NRG3: variants seen among roughly 807,000 people sequenced by gnomAD.
NRG3 encodes pro-neuregulin-3, membrane-bound isoform.
NRG3 carries 31 observed loss-of-function variants against 66.9 expected under a neutral mutation model. That is an observed-to-expected ratio of 0.46 (90% CI 0.35 to 0.63). The LOEUF (loss-of-function observed/expected upper bound fraction) is 0.63, where lower values mean the gene tolerates loss of function less well. Ranked by LOEUF, NRG3 falls within the 20% of genes least tolerant of loss-of-function variation. NRG3 has a pLI of 0.00. For synonymous variants in NRG3, 393 were observed against 359.4 expected (o/e 1.09, Z -1.06); for missense variants, 910 against 878.9 (o/e 1.04, Z -0.45).
intron 4 of NRG3, 34 bp from the exon 5 acceptor site, chr10:82,951,435 G>A (rs1436672157): frequency 2.6e-6 from 4 of 1,519,296 alleles, no homozygotes; most frequent in Non-Finnish European, 3.7e-6. Context: ...CACCCCGCTA[G>A]CATCCATTCT....
At chr10:82,979,149 G>A (rs758071428) in intron 8 of NRG3, 29 bp downstream of exon 8, 81 of 1,609,416 alleles carry the variant, frequency 5.0e-5, no homozygotes, top group African/African-American at 9.4e-5. Context: ...GTGGAATTTA[G>A]GGAGGGTGTC....
intron 2 of NRG3, among the ~76,000 whole-genome samples, chr10:82,496,347 C>T (rs184893117): frequency 6.6e-6 from 1 of 152,298 alleles, no homozygotes; most frequent in Admixed American, 6.5e-5. Flanking sequence ...CCACTGTAAT[C>T]TGCACAGCTA....
At chr10:82,873,903 G>A (rs1175208006) in intron 4 of NRG3, among the ~76,000 whole-genome samples, 2 of 151,248 alleles carry the variant, frequency 1.3e-5, no homozygotes, top group East Asian at 3.9e-4. Flanking sequence ...AGCAAATTCT[G>A]GTGTAATTTT....
intron 1 of NRG3, among the ~76,000 whole-genome samples, chr10:82,351,865 C>G (rs1320085707): frequency 6.6e-6 from 1 of 152,220 alleles, no homozygotes. Context: ...GTGTCTGCTA[C>G]TTCTCTGTCA....
intron 3 of NRG3, among the ~76,000 whole-genome samples, chr10:82,749,789 G>GAT (rs2058788821): frequency 8.4e-6 from 1 of 119,208 alleles, no homozygotes; most frequent in Admixed American, 9.0e-5. Context: ...AGGAAGCACT[G>GAT]AAAAAAAAAA....
At chr10:82,739,218 C>T (rs774445655) in intron 3 of NRG3, among the ~76,000 whole-genome samples, 2 of 152,138 alleles carry the variant, frequency 1.3e-5, no homozygotes, top group Non-Finnish European at 2.9e-5. Context: ...AGACAATTTG[C>T]AGACTAAAAA....
rs1270642989 is a variant in NRG3, at chr10:82,032,126, T to TG, written c.823+155963_823+155964insG. Among the ~76,000 whole-genome samples, 390 of 149,146 alleles carry TG rather than the reference T, an allele frequency of 2.6e-3. 2 individuals are homozygous for TG. Among genetic ancestry groups the TG allele is most frequent in the South Asian group, 0.015 (68 of 4,678 alleles). On this transcript the variant is annotated intron_variant, in intron 1 of 8. Transcript: ENST00000372141. ...TCTTGTTTGATTCTTTTTTTTTTTT[T>TG]TATTTCCAATCACTGTTTTGATAAA...
intron 2 of NRG3, among the ~76,000 whole-genome samples, chr10:82,559,419 A>T (rs370116207): frequency 1.3e-5 from 2 of 152,254 alleles, no homozygotes; most frequent in African/African-American, 4.8e-5. Context: ...GCCGAGGGGG[A>T]TTCATTGAAC....
At chr10:82,624,767 A>G (rs1438032838) in intron 2 of NRG3, among the ~76,000 whole-genome samples, 2 of 148,084 alleles carry the variant, frequency 1.4e-5, no homozygotes, top group Non-Finnish European at 3.0e-5. Flanking sequence ...CAATGAACCC[A>G]ATGTACCAGG....
chr10:82,459,813 G>A (rs1297840872), intron 2 of NRG3, among the ~76,000 whole-genome samples: 1 of 152,150 alleles, frequency 6.6e-6, no homozygotes, highest in Non-Finnish European at 1.5e-5. Context: ...ATCAGCAGAA[G>A]TTACCCCAAA....
chr10:82,399,973 C>T (rs1276028641), intron 2 of NRG3, among the ~76,000 whole-genome samples: 1 of 152,268 alleles, frequency 6.6e-6, no homozygotes, highest in African/African-American at 2.4e-5. Flanking sequence ...TCAACAAATA[C>T]CTGCTCTCTG....
At chr10:82,537,490 G>C (rs1335818037) in intron 2 of NRG3, among the ~76,000 whole-genome samples, 1 of 152,066 alleles carries the variant, frequency 6.6e-6, no homozygotes, top group Admixed American at 6.6e-5. Context: ...AACTGGCCTT[G>C]CCTTGCACCT....
intron 1 of NRG3, among the ~76,000 whole-genome samples, chr10:82,238,561 C>T (rs1326914335): frequency 6.6e-6 from 1 of 152,044 alleles, no homozygotes; most frequent in Admixed American, 6.6e-5. Context: ...CTTTTTGCAT[C>T]ATCCAGTTCT....
rs1853173349 is a variant in NRG3, at chr10:82,983,835, G to A, written c.1584-1263G>A. 2.0e-5 allele frequency among the ~76,000 whole-genome samples: 3 copies of A among 152,162 alleles called. No individual in the cohort carries two copies. The South Asian group carries it at 6.2e-4, about 32-fold the overall frequency. ...TGTGTTCACTCAGTTCAAGTGTATTGATTACAAACTCTGTATTAGGCACAG... is the reference window on the plus strand; with the variant it reads ...TGTGTTCACTCAGTTCAAGTGTATTAATTACAAACTCTGTATTAGGCACAG... On this transcript the variant is annotated intron_variant, in intron 8 of 8. Coordinates refer to ENST00000372141, the MANE Select transcript of NRG3 (RefSeq NM_001010848.4).
intron 5 of NRG3, among the ~76,000 whole-genome samples, chr10:82,957,350 G>A (rs1445329111): frequency 6.6e-6 from 1 of 151,876 alleles, no homozygotes; most frequent in Non-Finnish European, 1.5e-5. Context: ...ACGCTCTGTA[G>A]GGTGCTACTG....
intron 1 of NRG3, among the ~76,000 whole-genome samples, chr10:82,016,335 A>G (rs10748869): frequency 0.53 from 80,282 of 151,722 alleles, 21,373 homozygotes; most frequent in Admixed American, 0.63. Context: ...TGGATGAGTA[A>G]GAGTCTACTT....
intron 2 of NRG3, among the ~76,000 whole-genome samples, chr10:82,695,321 G>T (rs1319538395): frequency 6.6e-6 from 1 of 151,852 alleles, no homozygotes; most frequent in African/African-American, 2.4e-5. Context: ...TTAAAATAAT[G>T]AAGAAAAAGG....
At chr10:81,984,594 C>T (rs572457809) in intron 1 of NRG3, among the ~76,000 whole-genome samples, 1 of 152,264 alleles carries the variant, frequency 6.6e-6, no homozygotes, top group Non-Finnish European at 1.5e-5. Flanking sequence ...AGCTTCTGTC[C>T]TGTTTGCCAA....
At chr10:82,846,765 G>A (rs1225852274) in intron 3 of NRG3, among the ~76,000 whole-genome samples, 1 of 152,098 alleles carries the variant, frequency 6.6e-6, no homozygotes, top group Non-Finnish European at 1.5e-5. Context: ...ACTTATAAAC[G>A]ATATAAATCT....
Sources: allele counts gnomAD v4.1 joint callset (sites outside exome capture counted in the v4.1 genomes callset), GRCh38; gene constraint gnomAD v4.1.1; transcripts MANE v1.5; gene names NCBI Gene and HGNC (gene_info 2026-07-23, HGNC 2026-07-21).